Variants in RARB observed in about 807,000 individuals in gnomAD.
RARB encodes HBV-activated protein.
RARB carries 17 observed loss-of-function variants against 51.9 expected under a neutral mutation model. That is an observed-to-expected ratio of 0.33 (90% CI 0.22 to 0.49). RARB has a LOEUF of 0.49. RARB is among the 20% of genes least tolerant of loss of function. The pLI, the probability that RARB is intolerant of heterozygous loss-of-function variation, is 0.99. For synonymous variants in RARB, 215 were observed against 195.4 expected, an observed-to-expected ratio of 1.10 and a Z score of -0.84; for missense variants, 369 against 550.8, an observed-to-expected ratio of 0.67 and a Z score of 3.30.
intron 3 of RARB, among the ~76,000 whole-genome samples, chr3:25,564,996 C>G (rs1019962341): frequency 6.6e-6 from 1 of 152,162 alleles, no homozygotes; most frequent in Non-Finnish European, 1.5e-5. Flanking sequence ...CCCACCATCC[C>G]ATAGCATCCC....
At chr3:25,505,536 A>G (rs1697538679) in intron 3 of RARB, among the ~76,000 whole-genome samples, 1 of 118,172 alleles carries the variant, frequency 8.5e-6, no homozygotes, top group Admixed American at 8.6e-5. Flanking sequence ...CAGTATGCTT[A>G]TTTCTTCATT....
chr3:25,217,128 T>C (rs576866703), intron 5 of RARB, among the ~76,000 whole-genome samples: 1 of 152,328 alleles, frequency 6.6e-6, no homozygotes, highest in East Asian at 1.9e-4. Flanking sequence ...ATTGCAATTT[T>C]ATTCTTCATT....
intron 3 of RARB, chr3:25,060,315 A>G (rs972075219): frequency 2.0e-5 from 3 of 151,848 alleles, no homozygotes; most frequent in African/African-American, 7.2e-5. Flanking sequence ...ACACATAAAA[A>G]CCAATATTTA....
chr3:24,839,427 G>T (rs1378368754), intron 1 of RARB, among the ~76,000 whole-genome samples: 1 of 151,890 alleles, frequency 6.6e-6, no homozygotes, highest in Non-Finnish European at 1.5e-5. Context: ...AGGAAGCCAG[G>T]CATGGTGGCT....
At chr3:25,256,753 C>T (rs1213925586) in intron 5 of RARB, among the ~76,000 whole-genome samples, 1 of 151,762 alleles carries the variant, frequency 6.6e-6, no homozygotes, top group Non-Finnish European at 1.5e-5. Context: ...AATTTGGCTA[C>T]ATATAGAGTT....
rs181995577 is a variant in RARB, at chr3:25,353,625, T to C, written c.179-107568T>C. 2.4e-3 allele frequency among the ~76,000 whole-genome samples: 361 copies of C among 151,778 alleles called. 1 individual carries two copies. The highest frequency in any genetic ancestry group is 8.3e-3 in the African/African-American group (341 of 41,326). On this transcript the variant is annotated intron_variant, in intron 5 of 11. Coordinates refer to the RARB transcript ENST00000383772. Reference sequence around the variant, plus strand: ...TCTTACCCCAAAGTAGATTCAGTAATGTTGTGAAGAAATAAAGTAATTAAA... The same window carrying C: ...TCTTACCCCAAAGTAGATTCAGTAACGTTGTGAAGAAATAAAGTAATTAAA...
At chr3:24,958,297 A>C (rs1696067377) in intron 2 of RARB, among the ~76,000 whole-genome samples, 1 of 70,866 alleles carries the variant, frequency 1.4e-5, no homozygotes, top group African/African-American at 4.2e-5. Context: ...TTTAGCTGTC[A>C]TGGAGCCCTC....
At chr3:24,948,718 G>C (rs2125404428) in intron 2 of RARB, among the ~76,000 whole-genome samples, 1 of 152,244 alleles carries the variant, frequency 6.6e-6, no homozygotes, top group Admixed American at 6.5e-5. Context: ...CCTCATGAAT[G>C]ATTTAGCACT....
At chr3:25,171,784 G>C (rs974196582) in intron 4 of RARB, among the ~76,000 whole-genome samples, 1 of 151,884 alleles carries the variant, frequency 6.6e-6, no homozygotes, top group Non-Finnish European at 1.5e-5. Flanking sequence ...GCTATGCTTT[G>C]TGTGTGATTT....
At chr3:25,080,981 TTTTA>T (rs1698982891) in intron 3 of RARB, among the ~76,000 whole-genome samples, 1 of 152,118 alleles carries the variant, frequency 6.6e-6, no homozygotes, top group African/African-American at 2.4e-5. Flanking sequence ...TTGCTTGCCT[TTTTA>T]TTAATTTCTG....
rs1304089799 is a variant in RARB at position 25,597,744 on chromosome 3, G to A, written c.*1128G>A. 1 of 151,944 alleles carries A rather than the reference G, an allele frequency of 6.6e-6. No homozygotes were observed. Among genetic ancestry groups the A allele is most frequent in the East Asian group, 1.9e-4 (1 of 5,158 alleles). The allele number at this position is 151,944 out of a possible 1,614,324, so 9.4% of individuals were successfully genotyped here. The stretch of plus-strand genomic sequence containing the variant: ...GAGTGGTTAACAGATACAAGTGTCA[G>A]TTTCTTAGTTCTCATTTAAGCACTA... On this transcript the variant is annotated 3_prime_UTR_variant, in exon 8 of 8. Coordinates refer to ENST00000330688, the MANE Select transcript of RARB (RefSeq NM_000965.5).
chr3:25,305,370 G>T (rs1158464145), intron 5 of RARB, among the ~76,000 whole-genome samples: 1 of 152,056 alleles, frequency 6.6e-6, no homozygotes, highest in Non-Finnish European at 1.5e-5. Context: ...CAAGAAATTT[G>T]TTTTAAAAAT....
chr3:25,159,569 T>G (rs1190082759), intron 4 of RARB, among the ~76,000 whole-genome samples: 1 of 152,170 alleles, frequency 6.6e-6, no homozygotes, highest in Non-Finnish European at 1.5e-5. Context: ...TGGAAATATA[T>G]TCTGGTTGAT....
chr3:24,929,924 C>T (rs1013509832), intron 2 of RARB, among the ~76,000 whole-genome samples: 1 of 151,978 alleles, frequency 6.6e-6, no homozygotes, highest in East Asian at 1.9e-4. Context: ...CTTGTTTTAC[C>T]TATTTTAATG....
chr3:25,010,057 C>A (rs150367700), intron 2 of RARB, among the ~76,000 whole-genome samples: 2 of 152,058 alleles, frequency 1.3e-5, no homozygotes, highest in African/African-American at 2.4e-5. Context: ...TTTATTATAA[C>A]CTTAGTTCAG....
intron 5 of RARB, among the ~76,000 whole-genome samples, chr3:25,388,579 C>A (rs1706860398): frequency 6.6e-6 from 1 of 151,832 alleles, no homozygotes; most frequent in Non-Finnish European, 1.5e-5. Context: ...TGTTTTTTTG[C>A]CCTGGCAAAA....
intron 5 of RARB, among the ~76,000 whole-genome samples, chr3:25,380,741 T>C (rs1706600857): frequency 6.6e-6 from 1 of 152,170 alleles, no homozygotes; most frequent in South Asian, 2.1e-4. Context: ...CAACTGGAGT[T>C]CAAAACCCAA....
At chr3:25,536,314 CTAA>C (rs1037136820) in intron 3 of RARB, among the ~76,000 whole-genome samples, 75 of 152,230 alleles carry the variant, frequency 4.9e-4, no homozygotes, top group African/African-American at 1.8e-3. Flanking sequence ...CAGTCTAATG[CTAA>C]TAATATTTGT....
chr3:24,852,275 T>C (rs1702570390), intron 1 of RARB, among the ~76,000 whole-genome samples: 1 of 152,190 alleles, frequency 6.6e-6, no homozygotes, highest in Admixed American at 6.5e-5. Flanking sequence ...GAGTGAACCA[T>C]ATGTGGCTAA....
Sources: allele counts gnomAD v4.1 joint callset (sites outside exome capture counted in the v4.1 genomes callset), GRCh38; gene constraint gnomAD v4.1.1; transcripts MANE v1.5; gene names NCBI Gene and HGNC (gene_info 2026-07-23, HGNC 2026-07-21).